The following STK31 variants were observed in gnomAD, a reference collection of about 807,000 sequenced individuals.
STK31 encodes serine/threonine kinase 31.
In STK31, 89 loss-of-function variants were observed where a neutral mutation model predicts 129.7. The ratio of observed to expected loss-of-function variants is 0.69; its 90% confidence interval spans 0.58 to 0.82. The LOEUF (loss-of-function observed/expected upper bound fraction) is 0.82, where lower values mean the gene tolerates loss of function less well. Ranked by LOEUF, STK31 falls within the 40% of genes least tolerant of loss-of-function variation. STK31 has a pLI of 0.00. For missense variants in STK31, 1,187 were observed against 1,176.4 expected (o/e 1.01, Z -0.13); for synonymous variants, 448 against 395.3 (o/e 1.13, Z -1.58).
chr7:23,832,479 T>C lies in STK31; in HGVS notation c.*113T>C, dbSNP rs1794622758. The C allele has an allele frequency of 1.3e-6, 1 of 770,014 alleles. No homozygotes were observed. The highest frequency in any genetic ancestry group is 2.1e-6 in the Non-Finnish European group (1 of 475,982). The allele number at this position is 770,014 out of a possible 1,614,324, so 47.7% of individuals were successfully genotyped here. ...TTGAGTTGTATCTTTAGTATTCAGG[T>C]TGTGAAAAATAAAGATGTTTGGCTA... On this transcript the variant is annotated 3_prime_UTR_variant, in exon 24 of 24. Coordinates refer to ENST00000355870, the MANE Select transcript of STK31 (RefSeq NM_031414.5).
chr7:23,729,142 G>A lies in STK31; in HGVS notation c.376G>A (p.Asp126Asn), dbSNP rs779532633. ...AAATACTGAAATTCTAAATCGATCT[G>A]ATATAGTTGAAATTCCTTTGGAGCT... The part of the protein sequence containing the change: ...YGNTEILNRS[D>N]IVEIPLELQF... The change falls in exon 6 of 24, where the codon GAT becomes AAT. Residue 126 changes from aspartate (D) to asparagine (N), a missense_variant. Transcript: ENST00000355870. 1 of 1,611,958 alleles carries A rather than the reference G, an allele frequency of 6.2e-7. No individual in the cohort carries two copies. Among genetic ancestry groups the A allele is most frequent in the Non-Finnish European group, 8.5e-7 (1 of 1,179,544 alleles).
rs1352098648 is a variant in STK31, at chr7:23,772,013, T to G, written c.1834-134T>G. 1.8e-5 allele frequency: 10 copies of G among 566,342 alleles called. No individual in the cohort carries two copies. The African/African-American group carries it at 2.0e-4, about 11-fold the overall frequency. The allele number at this position is 566,342 out of a possible 1,614,324, so 35.1% of individuals were successfully genotyped here. A position where few individuals can be genotyped will look rare whatever the true frequency, so the allele number is the denominator to read the frequency against. ...ATCTATTGAATTGTCTTGTTGAAAATTATAGATTTTCTTGGTATTTCAGTC... is the reference window on the plus strand; with the variant it reads ...ATCTATTGAATTGTCTTGTTGAAAAGTATAGATTTTCTTGGTATTTCAGTC... On this transcript the variant is annotated intron_variant, in intron 14 of 23. Transcript: ENST00000355870.
At chr7:23,812,080 A>G (rs1358149696) in intron 22 of STK31, among the ~76,000 whole-genome samples, 3 of 151,852 alleles carry the variant, frequency 2.0e-5, no homozygotes, top group Non-Finnish European at 4.4e-5. Context: ...TTAAAAAATT[A>G]TTTTCTTTTT....
chr7:23,765,835 C>T (rs2128101081), intron 11 of STK31, among the ~76,000 whole-genome samples: 1 of 152,322 alleles, frequency 6.6e-6, no homozygotes, highest in South Asian at 2.1e-4. Context: ...GCGTGAGCCA[C>T]TGTGCCCGGC....
chr7:23,774,490 C>A (rs1015188131), intron 15 of STK31, among the ~76,000 whole-genome samples: 2 of 152,096 alleles, frequency 1.3e-5, no homozygotes, highest in Non-Finnish European at 2.9e-5. Flanking sequence ...GGTATGAGAT[C>A]GTATCTCACT....
At chr7:23,788,576 C>T (rs889917073) in intron 21 of STK31, among the ~76,000 whole-genome samples, 5 of 152,062 alleles carry the variant, frequency 3.3e-5, no homozygotes, top group Non-Finnish European at 7.4e-5. Flanking sequence ...TCCTGATTCA[C>T]CTCTAATGGC....
At chr7:23,799,806 A>G (rs1442211703) in intron 22 of STK31, among the ~76,000 whole-genome samples, 1 of 152,202 alleles carries the variant, frequency 6.6e-6, no homozygotes, top group East Asian at 1.9e-4. Flanking sequence ...CAGGTAACCT[A>G]CAGAATGGGA....
chr7:23,711,517 A>T (rs1480159435), intron 1 of STK31, among the ~76,000 whole-genome samples: 1 of 152,032 alleles, frequency 6.6e-6, no homozygotes, highest in African/African-American at 2.4e-5. Flanking sequence ...TATATTACAG[A>T]TAAAATTACA....
intron 22 of STK31, among the ~76,000 whole-genome samples, chr7:23,811,970 T>C (rs1329840145): frequency 6.6e-6 from 1 of 152,206 alleles, no homozygotes; most frequent in East Asian, 1.9e-4. Context: ...TCATCATATA[T>C]GATTAGAAAA....
chr7:23,728,024 C>CA (rs1787191109), intron 5 of STK31, among the ~76,000 whole-genome samples: 1 of 148,090 alleles, frequency 6.8e-6, no homozygotes, highest in African/African-American at 2.5e-5. Flanking sequence ...ATTGGCTTGC[C>CA]ACTTTCTTAT....
intron 23 of STK31, among the ~76,000 whole-genome samples, chr7:23,823,309 T>G (rs917166953): frequency 2.0e-5 from 3 of 152,194 alleles, no homozygotes; most frequent in Non-Finnish European, 4.4e-5. Flanking sequence ...TGAGATGGTA[T>G]CTCATTGTGG....
intron 4 of STK31, among the ~76,000 whole-genome samples, 159 bp downstream of exon 4, chr7:23,717,738 T>TGG (rs1261102532): frequency 3.9e-5 from 6 of 152,238 alleles, no homozygotes; most frequent in African/African-American, 1.4e-4. Context: ...AATTCAAAAA[T>TGG]ACTTATGGAC....
chr7:23,822,607 TTTA>T (rs987615491), intron 23 of STK31, among the ~76,000 whole-genome samples: 30 of 152,236 alleles, frequency 2.0e-4, no homozygotes, highest in African/African-American at 6.5e-4. Flanking sequence ...TTTTTCTTTT[TTTA>T]TTATTATTAT....
chr7:23,743,283 T>C (rs985527141), intron 8 of STK31, among the ~76,000 whole-genome samples: 1 of 152,162 alleles, frequency 6.6e-6, no homozygotes, highest in African/African-American at 2.4e-5. Flanking sequence ...GTTTTTATGA[T>C]CACAGATTGT....
intron 11 of STK31, among the ~76,000 whole-genome samples, chr7:23,766,463 G>A (rs777572436): frequency 6.6e-5 from 10 of 152,070 alleles, no homozygotes; most frequent in Admixed American, 1.3e-4. Context: ...GATGTTGGCC[G>A]GGCTGGTCTC....
intron 22 of STK31, among the ~76,000 whole-genome samples, chr7:23,807,909 C>A (rs1792815203): frequency 6.6e-6 from 1 of 151,446 alleles, no homozygotes; most frequent in Admixed American, 6.6e-5. Flanking sequence ...TATCTTCTGT[C>A]TTCTGTTTCT....
chr7:23,779,328 T>C (rs997987463), intron 15 of STK31, among the ~76,000 whole-genome samples: 9 of 152,146 alleles, frequency 5.9e-5, no homozygotes, highest in African/African-American at 2.2e-4. Context: ...AGGGACCCAC[T>C]TGAGGAGGCA....
rs1303139625 is a variant in STK31, at chr7:23,710,595, C to T, written c.50+260C>T. The T allele has an allele frequency of 8.4e-6, 11 of 1,314,660 alleles. No homozygotes were observed. In the South Asian group the frequency reaches 2.0e-4, roughly 24 times the overall value. The allele number at this position is 1,314,660 out of a possible 1,614,324, so 81.4% of individuals were successfully genotyped here. On this transcript the variant is annotated intron_variant, in intron 1 of 23. Coordinates refer to ENST00000355870, the MANE Select transcript of STK31 (RefSeq NM_031414.5). ...GTCACGCAGCCTCCACACTCTCTTCCCCTTCTCGAAAATTCTGTGCCATTT... is the reference window on the plus strand; with the variant it reads ...GTCACGCAGCCTCCACACTCTCTTCTCCTTCTCGAAAATTCTGTGCCATTT...
chr7:23,785,431 G>C (rs1791210139), intron 17 of STK31, 47 bp from the exon 18 acceptor site: 2 of 1,594,886 alleles, frequency 1.3e-6, no homozygotes, highest in African/African-American at 2.7e-5. Context: ...ATTTTTAAGT[G>C]CTGGGATTGT....
Sources: allele counts gnomAD v4.1 joint callset (sites outside exome capture counted in the v4.1 genomes callset), GRCh38; gene constraint gnomAD v4.1.1; transcripts MANE v1.5; gene names NCBI Gene and HGNC (gene_info 2026-07-23, HGNC 2026-07-21).